The following RNF17 variants were observed in gnomAD, a reference collection of about 807,000 sequenced individuals.
RNF17 encodes ring finger protein 17, also known as spermatogenesis associated 23.
In RNF17, 31 loss-of-function variants were observed where a neutral mutation model predicts 200.5. The ratio of observed to expected loss-of-function variants is 0.15; its 90% CI spans 0.12 to 0.21. The LOEUF (loss-of-function observed/expected upper bound fraction) is 0.21, where lower values mean the gene tolerates loss of function less well. Among genes scored for constraint, RNF17 ranks in the 10% least tolerant of loss-of-function variants. The pLI is 1.00. For synonymous variants in RNF17, 606 were observed against 637.8 expected (o/e 0.95, Z 0.75); for missense variants, 1,628 against 1,905.1 (o/e 0.85, Z 2.71).
intron 6 of RNF17, among the ~76,000 whole-genome samples, chr13:24,783,303 A>G (rs974694977): frequency 6.6e-6 from 1 of 152,134 alleles, no homozygotes; most frequent in African/African-American, 2.4e-5. Flanking sequence ...GTTGTTTTGT[A>G]GTAAGTTTTA....
chr13:24,748,999 C>T, the RNF17 span, among the ~76,000 whole-genome samples: 1 of 152,116 alleles, frequency 6.6e-6, no homozygotes, highest in Non-Finnish European at 1.5e-5. Context: ...AATGATCCAC[C>T]CACCTTGGCC....
downstream of RNF17, chr13:24,882,940 T>G (rs1017589589): frequency 5.8e-6 from 3 of 518,300 alleles, no homozygotes; most frequent in African/African-American, 1.9e-5. Flanking sequence ...GTACACAATT[T>G]CTAAACAGTC....
At chr13:24,816,976 A>G (rs1447413277) in intron 15 of RNF17, among the ~76,000 whole-genome samples, 1 of 152,234 alleles carries the variant, frequency 6.6e-6, no homozygotes, top group Non-Finnish European at 1.5e-5. Context: ...GAGAGACCCG[A>G]AGACCAAGTT....
chr13:24,851,717 A>C, intron 24 of RNF17, 146 bp downstream of exon 24: 2 of 584,148 alleles, frequency 3.4e-6, no homozygotes, highest in Non-Finnish European at 6.0e-6. Context: ...CCAGCTCAGA[A>C]ATAGATTCCT....
At chr13:24,874,056 G>C (rs1205488935) in intron 32 of RNF17, 58 bp from the exon 33 acceptor site, 3 of 1,571,338 alleles carry the variant, frequency 1.9e-6, no homozygotes, top group Non-Finnish European at 2.6e-6. Flanking sequence ...GATTTCCTTT[G>C]GATTAAAAAA....
chr13:24,854,261 A>G, intron 25 of RNF17, 117 bp downstream of exon 25: 1 of 708,476 alleles, frequency 1.4e-6, no homozygotes, highest in East Asian at 2.6e-5. Context: ...GGATTAAATG[A>G]TTTCACACAA....
intron 4 of RNF17, among the ~76,000 whole-genome samples, chr13:24,779,333 AATTTTT>A (rs1408425092): frequency 1.3e-5 from 2 of 152,194 alleles, no homozygotes; most frequent in Non-Finnish European, 2.9e-5. Flanking sequence ...AACTGTTTAT[AATTTTT>A]ATATGTATAC....
downstream of RNF17, chr13:24,882,738 G>C (rs1953895695): frequency 5.9e-6 from 1 of 170,600 alleles, no homozygotes; most frequent in Non-Finnish European, 1.3e-5. Flanking sequence ...TCTAATTTTG[G>C]TACTAACTGA....
intron 15 of RNF17, among the ~76,000 whole-genome samples, chr13:24,810,317 G>A (rs1266760795): frequency 6.1e-4 from 85 of 140,096 alleles, no homozygotes; most frequent in Admixed American, 2.6e-3. Flanking sequence ...TTATGAATCT[G>A]GGTGCTCCTG....
At chr13:24,816,739 T>C (rs951153154) in intron 15 of RNF17, among the ~76,000 whole-genome samples, 1 of 152,226 alleles carries the variant, frequency 6.6e-6, no homozygotes, top group African/African-American at 2.4e-5. Flanking sequence ...AGAGTGGCTA[T>C]CTTGGCAGGA....
At chr13:24,759,103 A>AG in the RNF17 span, among the ~76,000 whole-genome samples, 1 of 149,078 alleles carries the variant, frequency 6.7e-6, no homozygotes, top group East Asian at 2.0e-4. Context: ...AAAAAAAAAA[A>AG]CAACACTTAC....
downstream of RNF17, chr13:24,884,245 T>C (rs1339278423): frequency 1.9e-6 from 3 of 1,613,986 alleles, no homozygotes; most frequent in African/African-American, 2.7e-5. Flanking sequence ...TAGTAGTAGA[T>C]CTGTAAAGAC....
intron 18 of RNF17, among the ~76,000 whole-genome samples, chr13:24,838,787 CTCT>C (rs1890290997): frequency 6.6e-6 from 1 of 152,040 alleles, no homozygotes; most frequent in Non-Finnish European, 1.5e-5. Context: ...CTCTTAACCA[CTCT>C]TCTTCAACAT....
intron 2 of RNF17, among the ~76,000 whole-genome samples, chr13:24,767,612 G>T (rs543792183): frequency 3.3e-5 from 5 of 151,926 alleles, no homozygotes; most frequent in African/African-American, 1.2e-4. Context: ...GCTGGACCTA[G>T]TGGTGCACAC....
downstream of RNF17, among the ~76,000 whole-genome samples, chr13:24,882,126 C>CTATA (rs1483115486): frequency 2.8e-4 from 2 of 7,144 alleles, no homozygotes; most frequent in East Asian, 2.8e-3. Context: ...ATAGATACAT[C>CTATA]TATATAGATA....
In RNF17 at chr13:24,854,218, T is replaced by G. The variant is rs777862970; in HGVS notation, c.3610+74T>G. 177 of 1,118,224 alleles carry G rather than the reference T, an allele frequency of 1.6e-4. 1 individual carries two copies. Among genetic ancestry groups the G allele is most frequent in the Non-Finnish European group, 2.0e-4 (152 of 775,046 alleles). 69.3% of individuals were successfully genotyped at this position (1,118,224 alleles called of 1,614,324 possible). On this transcript the variant is annotated intron_variant, in intron 25 of 35. Coordinates refer to ENST00000255324, the MANE Select transcript of RNF17 (RefSeq NM_031277.3). ...AGGGATTGAAATACTTTGGGCAACCTCTTTGAACGTTATTTTCACAAGGTT... is the reference window on the plus strand; with the variant it reads ...AGGGATTGAAATACTTTGGGCAACCGCTTTGAACGTTATTTTCACAAGGTT...
the RNF17 span, among the ~76,000 whole-genome samples, chr13:24,747,811 G>A: frequency 6.6e-6 from 1 of 152,260 alleles, no homozygotes. Flanking sequence ...CAGCCAGGGC[G>A]CACAAACCTC....
At chr13:24,750,477 C>A in the RNF17 span, among the ~76,000 whole-genome samples, 1 of 152,346 alleles carries the variant, frequency 6.6e-6, no homozygotes, top group Non-Finnish European at 1.5e-5. Context: ...CACATTTCCA[C>A]CCCAGCCCTA....
chr13:24,848,954 G>A (rs555329446), intron 22 of RNF17, among the ~76,000 whole-genome samples: 67 of 152,134 alleles, frequency 4.4e-4, no homozygotes, highest in African/African-American at 1.3e-3. Flanking sequence ...GCACATTTAC[G>A]AAATCCTGTT....
Sources: allele counts gnomAD v4.1 joint callset (sites outside exome capture counted in the v4.1 genomes callset), GRCh38; gene constraint gnomAD v4.1.1; transcripts MANE v1.5; gene names NCBI Gene and HGNC (gene_info 2026-07-23, HGNC 2026-07-21).